MALRD1: variants seen among roughly 807,000 people sequenced by gnomAD.
MALRD1 encodes the protein MAM and LDL-receptor class A domain-containing protein 1.
A neutral mutation model predicts 242.1 loss-of-function variants in MALRD1; 247 were observed. The ratio of observed to expected loss-of-function variants is 1.02; its 90% confidence interval spans 0.92 to 1.13. The LOEUF is 1.13. MALRD1 is among the 50% of genes most tolerant of loss of function. MALRD1 has a pLI of 0.00. For synonymous variants in MALRD1, 995 were observed against 866.6 expected (o/e 1.15, Z -2.60); for missense variants, 2,989 against 2,533.1 (o/e 1.18, Z -3.86).
intron 38 of MALRD1, among the ~76,000 whole-genome samples, chr10:19,720,887 T>C (rs192440768): frequency 2.4e-4 from 36 of 152,232 alleles, no homozygotes; most frequent in Middle Eastern, 6.8e-3. Flanking sequence ...AAAAGAAAGA[T>C]GATACATGTG....
At chr10:19,620,015 TAATA>T (rs901578922) in intron 36 of MALRD1, among the ~76,000 whole-genome samples, 22 of 43,618 alleles carry the variant, frequency 5.0e-4, no homozygotes, top group African/African-American at 1.4e-3. Context: ...TCAATAATAA[TAATA>T]AATAATAATA....
chr10:19,192,997 G>C (rs1036424130), intron 14 of MALRD1, among the ~76,000 whole-genome samples: 4 of 152,080 alleles, frequency 2.6e-5, no homozygotes, highest in Non-Finnish European at 5.9e-5. Flanking sequence ...GCTAGGGTGT[G>C]CCTATGTGGG....
chr10:19,567,373 T>C, intron 32 of MALRD1, 129 bp from the exon 33 acceptor site: 2 of 813,552 alleles, frequency 2.5e-6, no homozygotes, highest in African/African-American at 3.5e-5. Flanking sequence ...TTTCTACAGA[T>C]AGAAAATACA....
intron 4 of MALRD1, among the ~76,000 whole-genome samples, chr10:19,103,208 A>G (rs1836331352): frequency 6.6e-6 from 1 of 152,056 alleles, no homozygotes; most frequent in South Asian, 2.1e-4. Context: ...TGTTTAGATA[A>G]TGGCAGAAAA....
Position 19,368,751 on chromosome 10 carries a change from G to A in MALRD1, c.4441+16454G>A, listed in dbSNP as rs139625632. ...TAATTCTGCTCAGTGATCATGGGAT[G>A]TTTTTCCATTCCTTTGTATCCTCTT... On this transcript the variant is annotated intron_variant, in intron 26 of 39. Coordinates refer to ENST00000454679, the MANE Select transcript of MALRD1 (RefSeq NM_001142308.3). Among the ~76,000 whole-genome samples, 1,028 of 151,646 alleles carry A rather than the reference G, an allele frequency of 6.8e-3. 3 individuals are homozygous for A. Among genetic ancestry groups the A allele is most frequent in the Non-Finnish European group, 0.011 (754 of 67,800 alleles).
chr10:19,210,956 C>G (rs1412262621), intron 18 of MALRD1, among the ~76,000 whole-genome samples: 2 of 152,194 alleles, frequency 1.3e-5, no homozygotes, highest in African/African-American at 2.4e-5. Flanking sequence ...TGGCATCGTT[C>G]TGGTCTCCCA....
At chr10:19,279,222 G>A (rs1564524582) in intron 19 of MALRD1, among the ~76,000 whole-genome samples, 1 of 152,216 alleles carries the variant, frequency 6.6e-6, no homozygotes, top group Admixed American at 6.5e-5. Context: ...ACACAAAAAG[G>A]TTGACTTGTT....
At chr10:19,527,238 C>A (rs1029131826) in intron 31 of MALRD1, among the ~76,000 whole-genome samples, 12 of 152,036 alleles carry the variant, frequency 7.9e-5, no homozygotes, top group Admixed American at 2.6e-4. Flanking sequence ...ACTTCAGGAG[C>A]CTGTAAGTTA....
intron 12 of MALRD1, among the ~76,000 whole-genome samples, chr10:19,165,242 A>AATAT (rs57449195): frequency 0.11 from 7,996 of 69,610 alleles, 1,114 homozygotes; most frequent in East Asian, 0.35. Context: ...AGTTGTTTGG[A>AATAT]ATATATATAT....
chr10:19,128,138 A>G (rs1588585396), intron 7 of MALRD1, 83 bp from the exon 8 acceptor site: 1 of 1,037,546 alleles, frequency 9.6e-7, no homozygotes, highest in East Asian at 3.3e-5. Context: ...TAGTTTTGAA[A>G]ACTTCAGAAA....
intron 36 of MALRD1, among the ~76,000 whole-genome samples, chr10:19,643,534 C>T (rs1045125237): frequency 1.3e-5 from 2 of 151,958 alleles, no homozygotes; most frequent in African/African-American, 4.8e-5. Context: ...GACTAAAATG[C>T]CCAATAGTTT....
chr10:19,208,687 G>C (rs1836899737), intron 17 of MALRD1, among the ~76,000 whole-genome samples: 1 of 152,166 alleles, frequency 6.6e-6, no homozygotes. Context: ...ATCTGTTTCA[G>C]TGTTTTGCTA....
At chr10:19,732,193 A>G (rs1835324058) in intron 39 of MALRD1, among the ~76,000 whole-genome samples, 1 of 152,242 alleles carries the variant, frequency 6.6e-6, no homozygotes, top group Non-Finnish European at 1.5e-5. Context: ...CAAATGTAAT[A>G]TATCTTTTTG....
At chr10:19,732,554 T>C (rs1047096441) in intron 39 of MALRD1, among the ~76,000 whole-genome samples, 6 of 152,220 alleles carry the variant, frequency 3.9e-5, no homozygotes, top group African/African-American at 9.6e-5. Flanking sequence ...TGAGCCACTG[T>C]ACCTGGCCAG....
At chr10:19,475,410 G>A (rs570348467) in intron 29 of MALRD1, among the ~76,000 whole-genome samples, 52 of 152,138 alleles carry the variant, frequency 3.4e-4, no homozygotes, top group African/African-American at 9.9e-4. Flanking sequence ...GTAAGACTCC[G>A]TCTCAAAAAA....
At chr10:19,165,042 C>G (rs993466826) in intron 12 of MALRD1, among the ~76,000 whole-genome samples, 6 of 150,940 alleles carry the variant, frequency 4.0e-5, no homozygotes, top group Non-Finnish European at 1.5e-5. Context: ...GAAACTTTTT[C>G]TTGTTTGAAA....
At chr10:19,544,968 A>G (rs1835147454) in intron 32 of MALRD1, among the ~76,000 whole-genome samples, 3 of 152,194 alleles carry the variant, frequency 2.0e-5, no homozygotes, top group Admixed American at 6.5e-5. Context: ...AGCTTGCTAG[A>G]GTTGCCATAA....
chr10:19,083,213 G>C (rs1835551242), intron 2 of MALRD1, among the ~76,000 whole-genome samples: 1 of 152,006 alleles, frequency 6.6e-6, no homozygotes, highest in Non-Finnish European at 1.5e-5. Context: ...TCTATGTTTT[G>C]CTGAGGGATT....
At chr10:19,262,540 C>T (rs900097979) in intron 19 of MALRD1, among the ~76,000 whole-genome samples, 8 of 151,732 alleles carry the variant, frequency 5.3e-5, no homozygotes, top group African/African-American at 9.7e-5. Context: ...CTTGTAATCC[C>T]AGCTACTTAG....
Sources: gnomAD v4.1 joint callset for allele counts (sites outside exome capture counted in the v4.1 genomes callset) on GRCh38, gnomAD v4.1.1 for gene constraint, MANE v1.5 for transcripts, NCBI Gene and HGNC (gene_info 2026-07-23, HGNC 2026-07-21) for gene names.